Variants in UGT1A9 observed in about 807,000 individuals in gnomAD.
UGT1A9 encodes the protein UDP glucuronosyltransferase family 1 member A9.
A neutral mutation model predicts 45.0 loss-of-function variants in UGT1A9; 35 were observed. That is an observed-to-expected ratio of 0.78 (90% confidence interval 0.59 to 1.03). The LOEUF (loss-of-function observed/expected upper bound fraction) is 1.03, where lower values mean the gene tolerates loss of function less well. UGT1A9 is among the 50% of genes least tolerant of loss of function. The probability of loss-of-function intolerance (pLI) is 0.00; values close to 1 mark genes in which losing one functional copy is unlikely to be tolerated. For missense variants in UGT1A9, 687 were observed against 666.6 expected, an observed-to-expected ratio of 1.03 and a Z score of -0.34; for synonymous variants, 278 against 250.6, an observed-to-expected ratio of 1.11 and a Z score of -1.03.
intron 1 of UGT1A9, chr2:233,721,744 G>T: frequency 4.6e-6 from 2 of 439,016 alleles, no homozygotes; most frequent in South Asian, 1.7e-5. Flanking sequence ...AATGATGAGA[G>T]AATCTACATC....
At chr2:233,757,535 A>AATATATATACATATATATACATATAT (rs376887521) in intron 1 of UGT1A9, among the ~76,000 whole-genome samples, 1 of 88,312 alleles carries the variant, frequency 1.1e-5, no homozygotes, top group Non-Finnish European at 2.2e-5. Context: ...GCCTGTAAGG[A>AATATATATACATATATATACATATAT]ATATATATAT....
chr2:233,726,986 T>C (rs749944838), intron 1 of UGT1A9, among the ~76,000 whole-genome samples: 1 of 152,226 alleles, frequency 6.6e-6, no homozygotes, highest in Non-Finnish European at 1.5e-5. Flanking sequence ...TTTGATGAGG[T>C]TCTTTCTAGC....
intron 1 of UGT1A9, among the ~76,000 whole-genome samples, chr2:233,688,251 C>T (rs2074884439): frequency 6.6e-6 from 1 of 152,210 alleles, no homozygotes; most frequent in African/African-American, 2.4e-5. Flanking sequence ...TATTTCATTC[C>T]TTTACATGGC....
rs371763780 is a variant in UGT1A9 at position 233,751,446 on chromosome 2, A to G, written c.856-15588A>G. Among the ~76,000 whole-genome samples, 1,356 of 152,090 alleles carry G rather than the reference A, an allele frequency of 8.9e-3. 29 individuals are homozygous for G. Among genetic ancestry groups the G allele is most frequent in the African/African-American group, 0.031 (1,276 of 41,348 alleles). On this transcript the variant is annotated intron_variant, in intron 1 of 4. Transcript: ENST00000354728. Reference sequence around the variant, plus strand: ...TGCTGAAATGAGTTAAGACTTTGGAAGATTGTTGGGAAGGCACGATTGGTT... The same window carrying G: ...TGCTGAAATGAGTTAAGACTTTGGAGGATTGTTGGGAAGGCACGATTGGTT...
chr2:233,698,702 T>G (rs924104929), intron 1 of UGT1A9, among the ~76,000 whole-genome samples: 6 of 152,250 alleles, frequency 3.9e-5, no homozygotes, highest in Non-Finnish European at 8.8e-5. Flanking sequence ...AAAAAAAATG[T>G]GCAAAGCCTT....
chr2:233,699,260 A>G (rs1470391564), intron 1 of UGT1A9, among the ~76,000 whole-genome samples: 2 of 151,766 alleles, frequency 1.3e-5, no homozygotes, highest in African/African-American at 4.8e-5. Flanking sequence ...TCCTCTTCCT[A>G]TAGGGGCTTG....
At chr2:233,751,528 T>C (rs1694749369) in intron 1 of UGT1A9, among the ~76,000 whole-genome samples, 1 of 152,240 alleles carries the variant, frequency 6.6e-6, no homozygotes, top group Admixed American at 6.5e-5. Context: ...ATGATATGGT[T>C]TGACTCTGTG....
chr2:233,764,014 A>C (rs28900399), intron 1 of UGT1A9, among the ~76,000 whole-genome samples: 1 of 152,334 alleles, frequency 6.6e-6, no homozygotes, highest in Non-Finnish European at 1.5e-5. Flanking sequence ...GATGACCCAC[A>C]TGGTGTCTAA....
intron 1 of UGT1A9, among the ~76,000 whole-genome samples, chr2:233,697,058 G>C (rs1287604858): frequency 6.6e-6 from 1 of 151,826 alleles, no homozygotes; most frequent in Non-Finnish European, 1.5e-5. Flanking sequence ...TTGTGTCCTT[G>C]TCTGGTTTTG....
intron 1 of UGT1A9, chr2:233,756,417 G>T (rs1392251682): frequency 6.6e-6 from 1 of 151,810 alleles, no homozygotes; most frequent in Non-Finnish European, 1.5e-5. Context: ...TGTATTATTT[G>T]TACTGTTTTT....
chr2:233,682,202 G>C (rs547107317), intron 1 of UGT1A9: 6 of 1,614,244 alleles, frequency 3.7e-6, no homozygotes, highest in Non-Finnish European at 5.1e-6. Flanking sequence ...TCAGGACCGG[G>C]AGTTCATGGT....
rs1197217619 is a variant in UGT1A9, at chr2:233,750,175, GA to G, written c.856-16858del. 5.9e-5 allele frequency among the ~76,000 whole-genome samples: 9 copies of G among 151,894 alleles called. 1 individual carries two copies. The highest frequency in any genetic ancestry group is 2.2e-4 in the African/African-American group (9 of 41,136). Reference sequence around the variant, plus strand: ...GTTGAATGGTTTTGACCAAAATGCTGATAATGTTGTGGACAATGAAGTCCAG... The same window carrying G: ...GTTGAATGGTTTTGACCAAAATGCTGTAATGTTGTGGACAATGAAGTCCAG... On this transcript the variant is annotated intron_variant, in intron 1 of 4. Coordinates refer to ENST00000354728, the MANE Select transcript of UGT1A9 (RefSeq NM_021027.3).
At chr2:233,736,111 A>G (rs1342253257) in intron 1 of UGT1A9, among the ~76,000 whole-genome samples, 1 of 152,176 alleles carries the variant, frequency 6.6e-6, no homozygotes, top group East Asian at 1.9e-4. Flanking sequence ...GTGTTTTCCA[A>G]CTTGTTTCCA....
chr2:233,706,820 G>A (rs903944218), intron 1 of UGT1A9, among the ~76,000 whole-genome samples: 4 of 152,174 alleles, frequency 2.6e-5, no homozygotes, highest in African/African-American at 9.7e-5. Flanking sequence ...GCCAATCCCA[G>A]GGCAGGACTC....
At chr2:233,692,957 G>A (rs776174489) in intron 1 of UGT1A9, 1 of 1,607,062 alleles carries the variant, frequency 6.2e-7, no homozygotes, top group Non-Finnish European at 8.5e-7. Context: ...CCTGTGATTT[G>A]GAGAGTGAAA....
Position 233,693,540 on chromosome 2 carries a change from A to G in UGT1A9, c.855+20751A>G, listed in dbSNP as rs771085837. The G allele has an allele frequency of 3.7e-6, 6 of 1,614,004 alleles. No individual in the cohort carries two copies. In the South Asian group the frequency reaches 6.6e-5, roughly 18 times the overall value. ...TTCAGGGGTTTTCCGTGTTCCCTGG[A>G]GCATACATTCAGCAGAAGCCCAGAC... On this transcript the variant is annotated intron_variant, in intron 1 of 4. Transcript: ENST00000354728.
rs200102302 is a variant in UGT1A9, at chr2:233,761,088, C to T, written c.856-5946C>T. Reference sequence around the variant, plus strand: ...ACTTTGTGAAGGATTACCCTAGGCCCATCATGCCCAATATGGTTTTTGTTG... The same window carrying T: ...ACTTTGTGAAGGATTACCCTAGGCCTATCATGCCCAATATGGTTTTTGTTG... On this transcript the variant is annotated intron_variant, in intron 1 of 4. Coordinates refer to ENST00000354728, the MANE Select transcript of UGT1A9 (RefSeq NM_021027.3). The T allele has an allele frequency of 4.8e-5, 77 of 1,614,202 alleles. No individual in the cohort carries two copies. Among genetic ancestry groups the T allele is most frequent in the Admixed American group, 1.0e-4 (6 of 60,034 alleles).
chr2:233,737,661 T>A (rs1326139467), intron 1 of UGT1A9, among the ~76,000 whole-genome samples: 2 of 152,214 alleles, frequency 1.3e-5, no homozygotes, highest in Non-Finnish European at 2.9e-5. Context: ...GAGCTGCAGA[T>A]CGGAGCTGTT....
chr2:233,682,663 T>C (rs1271969942), intron 1 of UGT1A9: 8 of 1,613,786 alleles, frequency 5.0e-6, no homozygotes, highest in East Asian at 2.2e-5. Context: ...TCACGGCATA[T>C]GATCTCTACA....
Sources: allele counts gnomAD v4.1 joint callset (sites outside exome capture counted in the v4.1 genomes callset), GRCh38; gene constraint gnomAD v4.1.1; transcripts MANE v1.5; gene names NCBI Gene and HGNC (gene_info 2026-07-23, HGNC 2026-07-21).